Variants in SYNPR observed in about 807,000 individuals in gnomAD.
SYNPR encodes the protein synaptoporin.
A neutral mutation model predicts 32.9 loss-of-function variants in SYNPR; 23 were observed. The observed-to-expected ratio is 0.70, with a 90% CI of 0.50 to 0.99. SYNPR has a LOEUF of 0.99. Ranked by LOEUF, SYNPR falls within the 50% of genes least tolerant of loss-of-function variation. SYNPR has a pLI of 0.00. For missense variants in SYNPR, 318 were observed against 349.3 expected (o/e 0.91, Z 0.71); for synonymous variants, 146 against 135.9 (o/e 1.07, Z -0.52).
intron 2 of SYNPR, chr3:63,443,528 G>A (rs1559500846): frequency 2.3e-5 from 36 of 1,562,076 alleles, no homozygotes; most frequent in Non-Finnish European, 3.1e-5. Context: ...GTGCATGTAT[G>A]TGTCTCCATA....
chr3:63,480,757 G>A lies in SYNPR; in HGVS notation c.85-75G>A, dbSNP rs1311591954. 4 of 1,537,340 alleles carry A rather than the reference G, an allele frequency of 2.6e-6. No individual in the cohort carries two copies. In the East Asian group the frequency reaches 7.0e-5, roughly 27 times the overall value. ...TAAATTCCCTCAATCCAGACATTAA[G>A]CTCCTTTTGATATATCTCATTAGAG... is the stretch of plus-strand genomic sequence containing the variant. On this transcript the variant is annotated intron_variant, in intron 2 of 5. Transcript: ENST00000478300.
chr3:63,208,169 T>C, the SYNPR span, among the ~76,000 whole-genome samples: 1 of 152,166 alleles, frequency 6.6e-6, no homozygotes, highest in African/African-American at 2.4e-5. Context: ...TCTTCCATAG[T>C]AAAGAGATGG....
chr3:63,570,873 TTCA>T (rs1702873671), intron 4 of SYNPR, among the ~76,000 whole-genome samples: 1 of 152,184 alleles, frequency 6.6e-6, no homozygotes, highest in Admixed American at 6.5e-5. Context: ...ATTAATGATC[TTCA>T]TCAAGGATAG....
At chr3:63,221,475 C>T in the SYNPR span, among the ~76,000 whole-genome samples, 2 of 152,088 alleles carry the variant, frequency 1.3e-5, no homozygotes, top group Non-Finnish European at 2.9e-5. Flanking sequence ...CAAGAGTGTG[C>T]ACCTCAGCTC....
intron 2 of SYNPR, among the ~76,000 whole-genome samples, chr3:63,253,677 G>C (rs1186215333): frequency 1.3e-5 from 2 of 152,208 alleles, no homozygotes; most frequent in Non-Finnish European, 2.9e-5. Flanking sequence ...ACAGGTGCTG[G>C]AGAGGATGTG....
intron 2 of SYNPR, among the ~76,000 whole-genome samples, chr3:63,358,459 T>C (rs1247910060): frequency 6.6e-6 from 1 of 152,210 alleles, no homozygotes; most frequent in Non-Finnish European, 1.5e-5. Context: ...GGTGATAACA[T>C]TGAGTCCACC....
At chr3:63,290,022 C>T (rs923969336) in intron 2 of SYNPR, among the ~76,000 whole-genome samples, 11 of 151,320 alleles carry the variant, frequency 7.3e-5, no homozygotes, top group African/African-American at 1.9e-4. Context: ...CCCAGCTACT[C>T]GGGAGGCTGA....
chr3:63,239,197 G>T (rs1388451342), intron 1 of SYNPR, among the ~76,000 whole-genome samples: 1 of 151,914 alleles, frequency 6.6e-6, no homozygotes, highest in African/African-American at 2.4e-5. Flanking sequence ...TAACACTCTG[G>T]CACAGTTTCT....
chr3:63,522,997 T>C (rs1318759241), intron 3 of SYNPR, among the ~76,000 whole-genome samples: 1 of 152,044 alleles, frequency 6.6e-6, no homozygotes, highest in Non-Finnish European at 1.5e-5. Context: ...ATGAGGAGGC[T>C]GATGTGAGTC....
chr3:63,567,406 C>T (rs1435792635), intron 4 of SYNPR, among the ~76,000 whole-genome samples: 1 of 152,166 alleles, frequency 6.6e-6, no homozygotes, highest in African/African-American at 2.4e-5. Context: ...CTCAGACTTT[C>T]ATCCTCCTAT....
intron 2 of SYNPR, among the ~76,000 whole-genome samples, 169 bp from the exon 3 acceptor site, chr3:63,480,663 C>A (rs183679113): frequency 6.6e-6 from 1 of 152,292 alleles, no homozygotes; most frequent in African/African-American, 2.4e-5. Context: ...ACCATGTCCC[C>A]AGTCCTCACT....
intron 3 of SYNPR, among the ~76,000 whole-genome samples, chr3:63,533,318 C>T (rs1185118662): frequency 6.6e-6 from 1 of 152,106 alleles, no homozygotes; most frequent in Non-Finnish European, 1.5e-5. Flanking sequence ...TGGAAGAGAG[C>T]TCTGGAATAC....
chr3:63,231,906 A>C (rs1418738887), intron 1 of SYNPR, among the ~76,000 whole-genome samples: 1 of 152,190 alleles, frequency 6.6e-6, no homozygotes, highest in Non-Finnish European at 1.5e-5. Flanking sequence ...AGTTTCCCTT[A>C]TTTTAACAAG....
At chr3:63,539,456 C>A (rs1177581438) in intron 3 of SYNPR, among the ~76,000 whole-genome samples, 11 of 152,026 alleles carry the variant, frequency 7.2e-5, no homozygotes, top group African/African-American at 2.7e-4. Context: ...TCTCTGGTAT[C>A]TAAATACTAA....
At chr3:63,412,170 G>A (rs1386293215) in intron 2 of SYNPR, among the ~76,000 whole-genome samples, 1 of 152,112 alleles carries the variant, frequency 6.6e-6, no homozygotes, top group African/African-American at 2.4e-5. Context: ...AGGACCACTG[G>A]AAGAGTATCA....
At chr3:63,501,011 T>A (rs1169872305) in intron 3 of SYNPR, among the ~76,000 whole-genome samples, 1 of 152,142 alleles carries the variant, frequency 6.6e-6, no homozygotes, top group Non-Finnish European at 1.5e-5. Context: ...TGACATTGAA[T>A]GAAATAATGA....
intron 2 of SYNPR, among the ~76,000 whole-genome samples, chr3:63,450,704 T>TG (rs1700363602): frequency 2.0e-5 from 3 of 152,238 alleles, no homozygotes; most frequent in Admixed American, 2.0e-4. Flanking sequence ...CTTAGAAGAC[T>TG]GGTAGACATG....
At chr3:63,313,556 G>A (rs1409880675) in intron 2 of SYNPR, among the ~76,000 whole-genome samples, 1 of 148,054 alleles carries the variant, frequency 6.8e-6, no homozygotes, top group Non-Finnish European at 1.5e-5. Flanking sequence ...CCTTTTTATG[G>A]CTGCATAGTA....
intron 2 of SYNPR, among the ~76,000 whole-genome samples, chr3:63,379,985 G>C (rs1222666979): frequency 6.6e-6 from 1 of 152,082 alleles, no homozygotes; most frequent in African/African-American, 2.4e-5. Context: ...ATGGTTTCCA[G>C]CTTCATCCAC....
Sources: gnomAD v4.1 joint callset for allele counts (sites outside exome capture counted in the v4.1 genomes callset) on GRCh38, gnomAD v4.1.1 for gene constraint, MANE v1.5 for transcripts, NCBI Gene and HGNC (gene_info 2026-07-23, HGNC 2026-07-21) for gene names.